NOTCH2NLB: variants seen among roughly 807,000 people sequenced by gnomAD.
The protein encoded by NOTCH2NLB is notch 2 N-terminal like B.
Under a neutral mutation model 14.8 loss-of-function variants are expected in NOTCH2NLB, and 1 was observed. The observed-to-expected ratio is 0.07, with a 90% CI of 0.02 to 0.32. NOTCH2NLB has a LOEUF of 0.32. Among genes scored for constraint, NOTCH2NLB ranks in the 10% least tolerant of loss-of-function variants. The pLI, the probability that NOTCH2NLB is intolerant of heterozygous loss-of-function variation, is 1.00. For synonymous variants in NOTCH2NLB, 6 were observed against 57.5 expected (o/e 0.10, Z 4.05); for missense variants, 11 against 155.0 (o/e 0.07, Z 4.93).
At chr1:148,643,439 TG>T (rs1252772075) in intron 1 of NOTCH2NLB, among the ~76,000 whole-genome samples, 2 of 124,154 alleles carry the variant, frequency 1.6e-5, no homozygotes, top group South Asian at 5.2e-4. Flanking sequence ...CACTTGAACC[TG>T]GGGGGCGGAG....
At chr1:148,670,116 A>G (rs1664726148) in intron 1 of NOTCH2NLB, among the ~76,000 whole-genome samples, 1 of 88,386 alleles carries the variant, frequency 1.1e-5, no homozygotes, top group African/African-American at 3.6e-5. Context: ...GAATTAACCA[A>G]TATCATTAGA....
At chr1:148,670,553 C>CACATATATATAT (rs1664752833) in intron 1 of NOTCH2NLB, among the ~76,000 whole-genome samples, 33 of 104,226 alleles carry the variant, frequency 3.2e-4, no homozygotes, top group Middle Eastern at 6.5e-3. Flanking sequence ...TATATATATA[C>CACATATATATAT]ATATATATAT....
chr1:148,610,377 A>G (rs1157947739), intron 3 of NOTCH2NLB, among the ~76,000 whole-genome samples: 49 of 116,698 alleles, frequency 4.2e-4, no homozygotes, highest in East Asian at 1.1e-3. Flanking sequence ...AAGAAAGAGA[A>G]AGAAAGAAAG....
chr1:148,649,563 T>C (rs1381464857), intron 1 of NOTCH2NLB, among the ~76,000 whole-genome samples: 3 of 145,512 alleles, frequency 2.1e-5, no homozygotes, highest in Non-Finnish European at 3.0e-5. Context: ...CAGGCTGGAG[T>C]GCAGTGGCGC....
Position 148,637,827 on chromosome 1 carries a change from G to A in NOTCH2NLB, c.77+2189C>T, listed in dbSNP as rs1571104621. ...CTCATTGTTCAACTCCCACTTATGAGTGAGAACATGCCGTGTTTGGTTTTC... is the reference window on the plus strand; with the variant it reads ...CTCATTGTTCAACTCCCACTTATGAATGAGAACATGCCGTGTTTGGTTTTC... On this transcript the variant is annotated intron_variant, in intron 2 of 4. Coordinates refer to ENST00000593495, the Ensembl canonical transcript of NOTCH2NLB. Among the ~76,000 whole-genome samples, 4 of 145,240 alleles carry A rather than the reference G, an allele frequency of 2.8e-5. No homozygotes were observed. In the East Asian group the frequency reaches 7.9e-4, roughly 29 times the overall value.
At chr1:148,700,060 G>GT in the NOTCH2NLB span, among the ~76,000 whole-genome samples, 2 of 86,484 alleles carry the variant, frequency 2.3e-5, 1 homozygote, top group East Asian at 1.2e-3. Flanking sequence ...ACCCCATCAT[G>GT]TGTTGTTCCC....
chr1:148,670,535 A>ATATATATATATATATAT (rs1347581270), intron 1 of NOTCH2NLB, among the ~76,000 whole-genome samples: 2 of 60,534 alleles, frequency 3.3e-5, no homozygotes, highest in Admixed American at 1.7e-4. Context: ...AAACTAAAAA[A>ATATATATATATATATAT]AAAAATATAT....
chr1:148,673,688 G>C (rs1664795948), intron 1 of NOTCH2NLB, among the ~76,000 whole-genome samples: 1 of 151,194 alleles, frequency 6.6e-6, no homozygotes, highest in Admixed American at 6.6e-5. Flanking sequence ...TTATACCATA[G>C]CAGCTTTCTT....
Position 148,627,720 on chromosome 1 carries a change from C to G in NOTCH2NLB, c.78-11770G>C, listed in dbSNP as rs1664015664. On this transcript the variant is annotated intron_variant, in intron 2 of 4. Transcript: ENST00000593495. ...TTCCTGTGAAAAACAGCCTTGACACCCCCTCTGTTCTTATAACCCTGAGCC... is the reference window on the plus strand; with the variant it reads ...TTCCTGTGAAAAACAGCCTTGACACGCCCTCTGTTCTTATAACCCTGAGCC... Among the ~76,000 whole-genome samples the G allele has an allele frequency of 2.6e-5, 4 of 151,582 alleles. No individual in the cohort carries two copies. The South Asian group carries it at 8.4e-4, about 32-fold the overall frequency.
intron 3 of NOTCH2NLB, among the ~76,000 whole-genome samples, chr1:148,608,720 C>T (rs1663590151): frequency 2.0e-5 from 3 of 150,148 alleles, no homozygotes; most frequent in South Asian, 4.3e-4. Flanking sequence ...GTAACACACA[C>T]ATATATTCTG....
rs1232854819 is a variant in NOTCH2NLB at position 148,633,166 on chromosome 1, T to A, written c.77+6850A>T. 6.3e-5 allele frequency among the ~76,000 whole-genome samples: 8 copies of A among 127,262 alleles called. 2 individuals are homozygous for A. Among genetic ancestry groups the A allele is most frequent in the Admixed American group, 6.0e-4 (8 of 13,336 alleles). 83.5% of individuals were successfully genotyped at this position (127,262 alleles called of 152,430 possible). A position where few individuals can be genotyped will look rare whatever the true frequency, so the allele number is the denominator to read the frequency against. Reference sequence around the variant, plus strand: ...ATTGAGAACAGACCCTAATACGCAATAATGTTAGCTAGCATTATAGACTTT... The same window carrying A: ...ATTGAGAACAGACCCTAATACGCAAAAATGTTAGCTAGCATTATAGACTTT... On this transcript the variant is annotated intron_variant, in intron 2 of 4. Coordinates refer to ENST00000593495, the Ensembl canonical transcript of NOTCH2NLB.
intron 1 of NOTCH2NLB, among the ~76,000 whole-genome samples, chr1:148,649,604 G>A (rs1282431362): frequency 1.9e-3 from 293 of 150,606 alleles, no homozygotes; most frequent in Non-Finnish European, 3.2e-3. Context: ...TCCTCCTCCT[G>A]GGTTCACGCC....
the NOTCH2NLB span, among the ~76,000 whole-genome samples, chr1:148,703,410 G>A: frequency 3.0e-5 from 2 of 65,620 alleles, no homozygotes; most frequent in Admixed American, 4.1e-4. Flanking sequence ...TGGAAGGAGA[G>A]AAACCTAAGG....
intron 1 of NOTCH2NLB, among the ~76,000 whole-genome samples, chr1:148,649,558 T>C (rs1238802221): frequency 5.2e-4 from 75 of 144,808 alleles, no homozygotes; most frequent in Middle Eastern, 3.6e-3. Context: ...TCACCCAGGC[T>C]GGAGTGCAGT....
chr1:148,634,155 C>CA (rs1363360133), intron 2 of NOTCH2NLB, among the ~76,000 whole-genome samples: 11 of 113,030 alleles, frequency 9.7e-5, no homozygotes, highest in Non-Finnish European at 1.9e-4. Flanking sequence ...TTTAATGAGC[C>CA]AAAAAAACAG....
intron 1 of NOTCH2NLB, among the ~76,000 whole-genome samples, chr1:148,670,381 C>T (rs1664732684): frequency 6.9e-6 from 1 of 145,224 alleles, no homozygotes; most frequent in African/African-American, 2.5e-5. Flanking sequence ...TATGAAAAAA[C>T]ATTCAATATC....
intron 1 of NOTCH2NLB, among the ~76,000 whole-genome samples, chr1:148,670,529 TAAAA>T (rs1222724470): frequency 0.062 from 5,801 of 93,228 alleles, 151 homozygotes; most frequent in Admixed American, 0.097. Flanking sequence ...GTTCATAAAC[TAAAA>T]AAAAAAATAT....
chr1:148,649,457 C>T (rs1257648537), intron 1 of NOTCH2NLB, among the ~76,000 whole-genome samples: 1 of 93,670 alleles, frequency 1.1e-5, no homozygotes, highest in Non-Finnish European at 2.2e-5. Context: ...ATTATCAAGA[C>T]AAATTTTGCC....
chr1:148,610,389 A>AAGAAAGAGAAAGAAAGAAAGGG (rs1663664110), intron 3 of NOTCH2NLB, among the ~76,000 whole-genome samples: 1 of 127,476 alleles, frequency 7.8e-6, no homozygotes, highest in African/African-American at 3.3e-5. Flanking sequence ...GAAAGAAAGA[A>AAGAAAGAGAAAGAAAGAAAGGG]AGAAAGGGAG....
Sources: allele counts gnomAD v4.1 joint callset (sites outside exome capture counted in the v4.1 genomes callset), GRCh38; gene constraint gnomAD v4.1.1; transcripts MANE v1.5; gene names NCBI Gene and HGNC (gene_info 2026-07-23, HGNC 2026-07-21).